Variants in CCSER1 observed in about 807,000 individuals in gnomAD.
CCSER1 encodes the protein serine-rich coiled-coil domain-containing protein 1.
A neutral mutation model predicts 82.0 loss-of-function variants in CCSER1; 41 were observed. The ratio of observed to expected loss-of-function variants is 0.50; its 90% CI spans 0.39 to 0.65. The LOEUF (loss-of-function observed/expected upper bound fraction) is 0.65, where lower values mean the gene tolerates loss of function less well. CCSER1 is among the 30% of genes least tolerant of loss of function. The pLI is 0.00. For synonymous variants in CCSER1, 414 were observed against 383.9 expected (o/e 1.08, Z -0.92); for missense variants, 1,119 against 1,064.2 (o/e 1.05, Z -0.72).
chr4:91,144,215 T>C (rs1729322305), intron 10 of CCSER1, among the ~76,000 whole-genome samples: 1 of 152,084 alleles, frequency 6.6e-6, no homozygotes, highest in African/African-American at 2.4e-5. Context: ...CAGGAATTTA[T>C]CCATTTTTTT....
At chr4:90,222,573 C>T (rs184835568) in intron 1 of CCSER1, among the ~76,000 whole-genome samples, 1 of 152,230 alleles carries the variant, frequency 6.6e-6, no homozygotes, top group South Asian at 2.1e-4. Context: ...ACAATTTACG[C>T]ACGTTTATTT....
chr4:91,552,974 G>A (rs950960866), intron 10 of CCSER1, among the ~76,000 whole-genome samples: 31 of 151,174 alleles, frequency 2.1e-4, no homozygotes, highest in African/African-American at 6.1e-4. Flanking sequence ...ACAAGATTTC[G>A]GATTCTCACC....
chr4:90,552,144 AT>A (rs1256602033), intron 5 of CCSER1, among the ~76,000 whole-genome samples: 1 of 152,192 alleles, frequency 6.6e-6, no homozygotes, highest in Non-Finnish European at 1.5e-5. Context: ...CCACGACTTA[AT>A]ATTAATACTA....
At chr4:90,949,468 A>C (rs961526440) in intron 9 of CCSER1, among the ~76,000 whole-genome samples, 2 of 152,146 alleles carry the variant, frequency 1.3e-5, no homozygotes, top group Non-Finnish European at 2.9e-5. Flanking sequence ...AGGGTGTGTC[A>C]CAATGATTTT....
chr4:90,737,182 C>A (rs1279224148), intron 7 of CCSER1, among the ~76,000 whole-genome samples: 1 of 152,056 alleles, frequency 6.6e-6, no homozygotes, highest in Non-Finnish European at 1.5e-5. Flanking sequence ...CTGTGGTTTT[C>A]TGTGTACTTA....
chr4:91,423,359 G>A (rs1195260853), intron 10 of CCSER1, among the ~76,000 whole-genome samples: 1 of 151,876 alleles, frequency 6.6e-6, no homozygotes, highest in Non-Finnish European at 1.5e-5. Flanking sequence ...GAACCCAGGA[G>A]GTGGAGATTG....
intron 10 of CCSER1, among the ~76,000 whole-genome samples, chr4:91,114,331 T>C (rs1036274374): frequency 6.6e-6 from 1 of 152,132 alleles, no homozygotes; most frequent in African/African-American, 2.4e-5. Context: ...AGAGCATCTA[T>C]AGATACCAAT....
At chr4:90,338,434 A>G (rs1468836505) in intron 3 of CCSER1, among the ~76,000 whole-genome samples, 1 of 152,190 alleles carries the variant, frequency 6.6e-6, no homozygotes, top group Non-Finnish European at 1.5e-5. Context: ...TGAAGTTCCT[A>G]ACAATGTTCA....
At chr4:90,500,531 A>G (rs1769697550) in intron 5 of CCSER1, among the ~76,000 whole-genome samples, 1 of 151,884 alleles carries the variant, frequency 6.6e-6, no homozygotes, top group African/African-American at 2.4e-5. Flanking sequence ...GGATCTCACT[A>G]TGTTGGCCAG....
chr4:90,168,875 G>T (rs1731050108), intron 1 of CCSER1, among the ~76,000 whole-genome samples: 1 of 149,516 alleles, frequency 6.7e-6, no homozygotes, highest in African/African-American at 2.5e-5. Flanking sequence ...TTTGGTTACT[G>T]TAGCCTTGTA....
chr4:90,964,497 G>A (rs1361539438), intron 9 of CCSER1, among the ~76,000 whole-genome samples: 2 of 151,990 alleles, frequency 1.3e-5, no homozygotes, highest in South Asian at 2.1e-4. Context: ...AGGCCAAGGC[G>A]GGCAGATCAC....
At chr4:90,200,983 G>A (rs1346984447) in intron 1 of CCSER1, among the ~76,000 whole-genome samples, 1 of 152,036 alleles carries the variant, frequency 6.6e-6, no homozygotes, top group Non-Finnish European at 1.5e-5. Context: ...CATATATGCA[G>A]ATATCCCAAA....
At chr4:90,176,968 G>A (rs973992187) in intron 1 of CCSER1, among the ~76,000 whole-genome samples, 1 of 152,054 alleles carries the variant, frequency 6.6e-6, no homozygotes, top group Non-Finnish European at 1.5e-5. Context: ...TACACTATGA[G>A]CAAAACATGA....
At chr4:90,731,083 A>T (rs774133108) in intron 7 of CCSER1, among the ~76,000 whole-genome samples, 33 of 152,164 alleles carry the variant, frequency 2.2e-4, no homozygotes, top group Non-Finnish European at 4.6e-4. Context: ...TGATGGCTTA[A>T]ACTGGAGTGG....
At chr4:90,238,197 T>C (rs1342338290) in intron 1 of CCSER1, among the ~76,000 whole-genome samples, 2 of 152,318 alleles carry the variant, frequency 1.3e-5, no homozygotes, top group Non-Finnish European at 2.9e-5. Context: ...TTGTACCTTA[T>C]ATAACTTCAG....
At chr4:90,621,192 A>G (rs1722262782) in intron 5 of CCSER1, among the ~76,000 whole-genome samples, 1 of 152,168 alleles carries the variant, frequency 6.6e-6, no homozygotes. Context: ...ATATCAAGAC[A>G]AAACAACATC....
chr4:91,582,160 A>T (rs959193973), intron 10 of CCSER1, among the ~76,000 whole-genome samples: 1 of 151,558 alleles, frequency 6.6e-6, no homozygotes, highest in African/African-American at 2.4e-5. Context: ...ACTGCATGGC[A>T]GTTATTGGAG....
chr4:90,438,490 CA>C (rs967760422), intron 4 of CCSER1, among the ~76,000 whole-genome samples: 1 of 151,304 alleles, frequency 6.6e-6, no homozygotes, highest in South Asian at 2.1e-4. Flanking sequence ...GGTGATTTAC[CA>C]AAAAAACAAA....
intron 4 of CCSER1, among the ~76,000 whole-genome samples, chr4:90,454,227 T>C (rs985807970): frequency 8.0e-5 from 12 of 149,518 alleles, no homozygotes; most frequent in Non-Finnish European, 1.8e-4. Flanking sequence ...TTTTGTTTCA[T>C]GTTTTTTTTT....
Sources: allele counts gnomAD v4.1 joint callset (sites outside exome capture counted in the v4.1 genomes callset), GRCh38; gene constraint gnomAD v4.1.1; transcripts MANE v1.5; gene names NCBI Gene and HGNC (gene_info 2026-07-23, HGNC 2026-07-21).